The following EYS variants were observed in gnomAD, a reference collection of about 807,000 sequenced individuals.
EYS encodes EGF-like photoreceptor maintenance factor, also known as protein eyes shut homolog.
In EYS, 250 loss-of-function variants were observed where a neutral mutation model predicts 282.1. The observed-to-expected ratio is 0.89, with a 90% CI of 0.80 to 0.98. The LOEUF (loss-of-function observed/expected upper bound fraction) is 0.98. EYS is among the 50% of genes least tolerant of loss of function. The probability of loss-of-function intolerance (pLI) is 0.00; values close to 1 mark genes in which losing one functional copy is unlikely to be tolerated. For missense variants in EYS, 4,016 were observed against 3,709.0 expected (o/e 1.08, Z -2.15); for synonymous variants, 1,355 against 1,282.9 (o/e 1.06, Z -1.20).
intron 2 of EYS, among the ~76,000 whole-genome samples, chr6:65,621,141 T>C (rs1766468206): frequency 6.6e-6 from 1 of 152,150 alleles, no homozygotes; most frequent in Admixed American, 6.5e-5. Context: ...CTGTCTAATG[T>C]TGACAGTGGG....
At chr6:64,443,438 G>A (rs542156437) in intron 26 of EYS, among the ~76,000 whole-genome samples, 74 of 152,258 alleles carry the variant, frequency 4.9e-4, no homozygotes, top group African/African-American at 1.7e-3. Context: ...TGAGACTTTG[G>A]GGAACTATTG....
chr6:64,383,329 G>T (rs1356317500), intron 29 of EYS, among the ~76,000 whole-genome samples: 1 of 151,974 alleles, frequency 6.6e-6, no homozygotes, highest in Non-Finnish European at 1.5e-5. Flanking sequence ...AAAAAATAAG[G>T]TGGGTCCTCA....
intron 12 of EYS, among the ~76,000 whole-genome samples, chr6:65,157,797 C>T (rs1197077310): frequency 6.7e-6 from 1 of 149,702 alleles, no homozygotes; most frequent in Non-Finnish European, 1.5e-5. Context: ...AGGTTTTTTC[C>T]CCCCATATTA....
At chr6:65,184,286 A>G (rs1765463536) in intron 12 of EYS, among the ~76,000 whole-genome samples, 1 of 151,904 alleles carries the variant, frequency 6.6e-6, no homozygotes, top group African/African-American at 2.4e-5. Flanking sequence ...CCTTCTTGCT[A>G]TGCCATAACA....
intron 35 of EYS, among the ~76,000 whole-genome samples, chr6:63,887,750 C>A (rs962061058): frequency 1.5e-5 from 2 of 134,074 alleles, no homozygotes; most frequent in Admixed American, 1.5e-4. Flanking sequence ...AGCCACTGAG[C>A]TAGATGCAGA....
chr6:63,886,085 A>C (rs1167808164), intron 35 of EYS, among the ~76,000 whole-genome samples: 1 of 152,198 alleles, frequency 6.6e-6, no homozygotes, highest in Non-Finnish European at 1.5e-5. Flanking sequence ...TTAGGGTAAG[A>C]ATGGGAACTT....
At chr6:65,155,229 T>C (rs866559320) in intron 12 of EYS, among the ~76,000 whole-genome samples, 5 of 151,484 alleles carry the variant, frequency 3.3e-5, no homozygotes, top group African/African-American at 1.2e-4. Context: ...GCACTTTATC[T>C]AGATTAAGCC....
intron 35 of EYS, among the ~76,000 whole-genome samples, chr6:63,913,717 T>C (rs1353332918): frequency 1.3e-5 from 2 of 152,264 alleles, no homozygotes; most frequent in Admixed American, 6.5e-5. Flanking sequence ...ACATTTTGTT[T>C]ATCCATTCAT....
intron 30 of EYS, among the ~76,000 whole-genome samples, chr6:64,231,571 T>C (rs1391843885): frequency 6.6e-6 from 1 of 152,164 alleles, no homozygotes; most frequent in African/African-American, 2.4e-5. Context: ...GCCTTGTTAT[T>C]CCTCAATTCC....
chr6:63,853,922 G>A (rs2149704684), intron 36 of EYS, among the ~76,000 whole-genome samples: 1 of 151,966 alleles, frequency 6.6e-6, no homozygotes, highest in South Asian at 2.1e-4. Flanking sequence ...GGGAAAACTG[G>A]CTAGTCATAT....
At chr6:65,030,292 C>T (rs181862874) in intron 13 of EYS, among the ~76,000 whole-genome samples, 3 of 152,066 alleles carry the variant, frequency 2.0e-5, no homozygotes, top group African/African-American at 4.8e-5. Context: ...CCAGGTGCTT[C>T]CTGGTGGCCA....
At chr6:64,146,986 A>G (rs1245524940) in intron 31 of EYS, among the ~76,000 whole-genome samples, 1 of 152,126 alleles carries the variant, frequency 6.6e-6, no homozygotes, top group African/African-American at 2.4e-5. Flanking sequence ...GGTAGTAGAG[A>G]TAAGGTCTGA....
chr6:64,062,510 G>T (rs910815117), intron 33 of EYS, among the ~76,000 whole-genome samples: 1 of 151,924 alleles, frequency 6.6e-6, no homozygotes, highest in South Asian at 2.1e-4. Flanking sequence ...TGGCCAACAT[G>T]GCAAAACCCC....
At chr6:64,480,980 T>C (rs969917867) in intron 26 of EYS, among the ~76,000 whole-genome samples, 4 of 151,628 alleles carry the variant, frequency 2.6e-5, no homozygotes, top group African/African-American at 9.7e-5. Context: ...ATATACCACA[T>C]TTTCACAAAT....
chr6:65,430,810 G>C (rs1210262352), intron 5 of EYS, among the ~76,000 whole-genome samples: 1 of 152,142 alleles, frequency 6.6e-6, no homozygotes, highest in Non-Finnish European at 1.5e-5. Flanking sequence ...TTGCAGGAAA[G>C]GATCCAGTCC....
chr6:64,496,651 A>G (rs1017220061), intron 26 of EYS, among the ~76,000 whole-genome samples: 5 of 152,012 alleles, frequency 3.3e-5, no homozygotes, highest in African/African-American at 1.2e-4. Context: ...TTTGAAAATT[A>G]TTCAGAAACC....
chr6:63,919,415 C>T (rs1303200900), intron 35 of EYS, among the ~76,000 whole-genome samples: 1 of 137,472 alleles, frequency 7.3e-6, no homozygotes, highest in Non-Finnish European at 1.5e-5. Flanking sequence ...AAAAAAAAAT[C>T]CCAACCCACA....
chr6:65,557,888 G>T (rs1466797729), intron 2 of EYS, among the ~76,000 whole-genome samples: 1 of 152,136 alleles, frequency 6.6e-6, no homozygotes, highest in Non-Finnish European at 1.5e-5. Context: ...GCTCCTATCT[G>T]CAGGGAGGTC....
intron 31 of EYS, among the ~76,000 whole-genome samples, chr6:64,162,245 A>C (rs1013657402): frequency 2.0e-5 from 3 of 152,200 alleles, no homozygotes; most frequent in Non-Finnish European, 4.4e-5. Context: ...CTCATTTGCA[A>C]AATGACATTT....
Sources: gnomAD v4.1 joint callset for allele counts (sites outside exome capture counted in the v4.1 genomes callset) on GRCh38, gnomAD v4.1.1 for gene constraint, MANE v1.5 for transcripts, NCBI Gene and HGNC (gene_info 2026-07-23, HGNC 2026-07-21) for gene names.